Variants in PPP2R2B observed in about 807,000 individuals in gnomAD.
PPP2R2B encodes the protein protein phosphatase 2 regulatory subunit Bbeta, also known as serine/threonine-protein phosphatase 2A 55 kDa regulatory subunit B beta isoform.
A neutral mutation model predicts 46.0 loss-of-function variants in PPP2R2B; 5 were observed. The observed-to-expected ratio is 0.11, with a 90% CI of 0.06 to 0.23. The LOEUF (loss-of-function observed/expected upper bound fraction) is 0.23, where lower values mean the gene tolerates loss of function less well. Among genes scored for constraint, PPP2R2B ranks in the 10% least tolerant of loss-of-function variants. PPP2R2B has a pLI of 1.00. For missense variants in PPP2R2B, 367 were observed against 575.0 expected (o/e 0.64, Z 3.70); for synonymous variants, 215 against 206.7 (o/e 1.04, Z -0.34).
Position 146,837,213 on chromosome 5 carries a change from T to C in PPP2R2B, c.70+40789A>G, listed in dbSNP as rs77353780. Among the ~76,000 whole-genome samples the C allele has an allele frequency of 1.0e-3, 156 of 152,328 alleles. 1 individual carries two copies. Among genetic ancestry groups the C allele is most frequent in the African/African-American group, 3.6e-3 (151 of 41,568 alleles). The stretch of plus-strand genomic sequence containing the variant: ...CACTTTCAGTACAGTATTCAATAAG[T>C]TACATGAGCTATTCGAACTTTAAAA... On this transcript the variant is annotated intron_variant, in intron 2 of 9. Coordinates refer to ENST00000394411, the MANE Select transcript of PPP2R2B (RefSeq NM_181675.4).
intron 1 of PPP2R2B, among the ~76,000 whole-genome samples, chr5:146,960,446 C>T (rs775702172): frequency 1.6e-4 from 24 of 152,208 alleles, no homozygotes; most frequent in Non-Finnish European, 2.6e-4. Context: ...CAGGCCACCA[C>T]GCCCGGCTAA....
intron 7 of PPP2R2B, among the ~76,000 whole-genome samples, chr5:146,621,149 T>C (rs923609538): frequency 6.6e-5 from 10 of 152,224 alleles, no homozygotes; most frequent in Non-Finnish European, 1.5e-4. Context: ...TTCACTGTCT[T>C]CTCATGGATC....
intron 2 of PPP2R2B, among the ~76,000 whole-genome samples, chr5:146,767,417 GTA>G (rs1296989352): frequency 6.6e-6 from 1 of 152,074 alleles, no homozygotes; most frequent in Non-Finnish European, 1.5e-5. Context: ...TTCTTCCGTG[GTA>G]TAGAGTGAAT....
At chr5:146,830,245 A>G (rs1169417173) in intron 2 of PPP2R2B, among the ~76,000 whole-genome samples, 2 of 152,226 alleles carry the variant, frequency 1.3e-5, no homozygotes, top group Non-Finnish European at 2.9e-5. Context: ...AAGGCTAATC[A>G]TAGATATGCC....
At chr5:146,647,757 C>T (rs945676927) in intron 6 of PPP2R2B, among the ~76,000 whole-genome samples, 3 of 152,188 alleles carry the variant, frequency 2.0e-5, no homozygotes, top group African/African-American at 7.2e-5. Context: ...CTCAGAGTGA[C>T]AGCCAGCTGA....
chr5:147,055,615 C>G (rs928417592), intron 1 of PPP2R2B: 1 of 1,516,074 alleles, frequency 6.6e-7, no homozygotes, highest in African/African-American at 1.4e-5. Context: ...AAGTCAGACA[C>G]CAGCCCACTT....
chr5:146,646,936 C>CT (rs1162898969), intron 6 of PPP2R2B, among the ~76,000 whole-genome samples: 2 of 152,038 alleles, frequency 1.3e-5, no homozygotes, highest in African/African-American at 4.8e-5. Flanking sequence ...GAAATGGAGG[C>CT]TTGGATAGAT....
At chr5:146,828,261 T>A (rs636449) in intron 2 of PPP2R2B, among the ~76,000 whole-genome samples, 14,474 of 147,644 alleles carry the variant, frequency 0.098, 1,231 homozygotes, top group African/African-American at 0.24. Context: ...TTACTTTTTT[T>A]AAAAAAAAAA....
At chr5:146,744,393 G>A (rs1183387034) in intron 2 of PPP2R2B, among the ~76,000 whole-genome samples, 1 of 152,158 alleles carries the variant, frequency 6.6e-6, no homozygotes, top group South Asian at 2.1e-4. Flanking sequence ...TAGATGAAAG[G>A]AACTTGGCCC....
chr5:146,673,756 C>T (rs1344770199), intron 5 of PPP2R2B, among the ~76,000 whole-genome samples: 2 of 152,192 alleles, frequency 1.3e-5, no homozygotes, highest in African/African-American at 4.8e-5. Context: ...AGCATGTAAC[C>T]TTTCTTAGCT....
intron 1 of PPP2R2B, among the ~76,000 whole-genome samples, chr5:146,924,660 C>T (rs1763721454): frequency 1.3e-5 from 2 of 152,166 alleles, no homozygotes; most frequent in Admixed American, 1.3e-4. Flanking sequence ...TTATGATCTG[C>T]TTTCACCATC....
At chr5:147,048,697 T>A (rs1489363314) in intron 1 of PPP2R2B, among the ~76,000 whole-genome samples, 1 of 152,094 alleles carries the variant, frequency 6.6e-6, no homozygotes, top group African/African-American at 2.4e-5. Flanking sequence ...ACCAGTTGAG[T>A]AATGGAAGGT....
chr5:146,593,266 G>A (rs140554265), intron 8 of PPP2R2B, among the ~76,000 whole-genome samples: 47 of 152,192 alleles, frequency 3.1e-4, no homozygotes, highest in African/African-American at 8.4e-4. Context: ...TAGATGATAT[G>A]GATTAATCAA....
chr5:146,977,164 C>A (rs141201955), intron 1 of PPP2R2B, among the ~76,000 whole-genome samples: 7 of 152,164 alleles, frequency 4.6e-5, no homozygotes, highest in African/African-American at 1.4e-4. Flanking sequence ...TTTTTCACCC[C>A]CCGACAAGGT....
chr5:146,643,003 G>C (rs551240743), intron 6 of PPP2R2B, among the ~76,000 whole-genome samples: 1 of 152,306 alleles, frequency 6.6e-6, no homozygotes, highest in East Asian at 1.9e-4. Flanking sequence ...GCTGCAGTGA[G>C]TGGTAATTGT....
intron 1 of PPP2R2B, among the ~76,000 whole-genome samples, chr5:146,916,496 C>T (rs1424701758): frequency 1.3e-5 from 2 of 152,104 alleles, no homozygotes; most frequent in African/African-American, 4.8e-5. Context: ...ATATCTGACA[C>T]GTGACTGGCA....
chr5:146,842,561 G>A (rs537555682), intron 2 of PPP2R2B, among the ~76,000 whole-genome samples: 98 of 151,266 alleles, frequency 6.5e-4, no homozygotes, highest in South Asian at 1.7e-3. Context: ...ATGTGCCGTG[G>A]GGGTTTGTTA....
chr5:146,808,930 C>T (rs1387836959), intron 2 of PPP2R2B, among the ~76,000 whole-genome samples: 3 of 151,464 alleles, frequency 2.0e-5, no homozygotes, highest in African/African-American at 4.9e-5. Context: ...GTAAAATCCT[C>T]GAGGCAGAAA....
At chr5:146,981,698 C>A (rs955199921) in intron 1 of PPP2R2B, among the ~76,000 whole-genome samples, 1 of 152,118 alleles carries the variant, frequency 6.6e-6, no homozygotes, top group Non-Finnish European at 1.5e-5. Flanking sequence ...CATTTCCATC[C>A]CCACAAGGAT....
Sources: allele counts gnomAD v4.1 joint callset (sites outside exome capture counted in the v4.1 genomes callset), GRCh38; gene constraint gnomAD v4.1.1; transcripts MANE v1.5; gene names NCBI Gene and HGNC (gene_info 2026-07-23, HGNC 2026-07-21).